Variants in CSMD1 observed in about 807,000 individuals in gnomAD.
The protein encoded by CSMD1 is CUB and Sushi multiple domains 1.
A neutral mutation model predicts 417.5 loss-of-function variants in CSMD1; 213 were observed. The observed-to-expected ratio is 0.51, with a 90% confidence interval of 0.46 to 0.57. CSMD1 has a LOEUF of 0.57. CSMD1 is among the 20% of genes least tolerant of loss of function. CSMD1 has a pLI of 0.00. For synonymous variants in CSMD1, 2,862 were observed against 1,736.8 expected (o/e 1.65, Z -16.11); for missense variants, 6,923 against 4,529.7 (o/e 1.53, Z -15.17).
At chr8:4,927,088 A>ATTG (rs71209139) in intron 1 of CSMD1, among the ~76,000 whole-genome samples, 1 of 10,042 alleles carries the variant, frequency 1.0e-4, no homozygotes, top group South Asian at 5.3e-3. Context: ...CTTTCAATGC[A>ATTG]TTATTATTAT....
At chr8:3,420,755 A>G (rs987449053) in intron 12 of CSMD1, among the ~76,000 whole-genome samples, 3 of 152,200 alleles carry the variant, frequency 2.0e-5, no homozygotes, top group African/African-American at 7.2e-5. Flanking sequence ...GTTATGGAAT[A>G]CTAAGACTTT....
chr8:4,715,563 C>G (rs1203203613), intron 1 of CSMD1, among the ~76,000 whole-genome samples: 2 of 152,142 alleles, frequency 1.3e-5, no homozygotes, highest in Non-Finnish European at 2.9e-5. Context: ...ACGGTCCACC[C>G]TGAACTTCTC....
At chr8:4,032,506 G>C (rs1797401291) in intron 3 of CSMD1, among the ~76,000 whole-genome samples, 2 of 152,156 alleles carry the variant, frequency 1.3e-5, no homozygotes, top group Non-Finnish European at 1.5e-5. Context: ...TACTGCAAGA[G>C]TGAATACTCA....
At chr8:4,928,989 T>A (rs1371783224) in intron 1 of CSMD1, among the ~76,000 whole-genome samples, 1 of 152,126 alleles carries the variant, frequency 6.6e-6, no homozygotes, top group Non-Finnish European at 1.5e-5. Flanking sequence ...AAGAGTCACT[T>A]GAACCCGGGC....
chr8:4,144,487 C>G (rs1803989013), intron 3 of CSMD1, among the ~76,000 whole-genome samples: 1 of 151,100 alleles, frequency 6.6e-6, no homozygotes, highest in Non-Finnish European at 1.5e-5. Flanking sequence ...AAATGGATAT[C>G]CGCTTGAGGG....
chr8:3,385,193 A>G (rs1269076438), intron 18 of CSMD1, among the ~76,000 whole-genome samples: 4 of 144,548 alleles, frequency 2.8e-5, no homozygotes, highest in Admixed American at 7.2e-5. Flanking sequence ...GTCTAAATAT[A>G]TAAATAGAAA....
chr8:3,488,548 T>A (rs765425257), intron 11 of CSMD1, among the ~76,000 whole-genome samples: 9 of 152,212 alleles, frequency 5.9e-5, no homozygotes, highest in Non-Finnish European at 8.8e-5. Context: ...ATAATGTAGA[T>A]TCATACTGCT....
rs151052936 is a variant in CSMD1 at position 4,256,949 on chromosome 8, G to A, written c.415+163004C>T. Among the ~76,000 whole-genome samples the A allele has an allele frequency of 3.2e-3, 494 of 152,298 alleles. 1 individual carries two copies. Among genetic ancestry groups the A allele is most frequent in the African/African-American group, 0.011 (467 of 41,566 alleles). The stretch of plus-strand genomic sequence containing the variant: ...TTCCGCTTTCCCTCCGTGGGCTGCT[G>A]ACCTCTAATCACAGGCTGGAGGTAT... On this transcript the variant is annotated intron_variant, in intron 3 of 69. Transcript: ENST00000635120.
At chr8:4,306,527 C>G (rs1025478636) in intron 3 of CSMD1, among the ~76,000 whole-genome samples, 1 of 152,194 alleles carries the variant, frequency 6.6e-6, no homozygotes, top group East Asian at 1.9e-4. Context: ...CACTGCTCAT[C>G]TTGAAGACAA....
intron 3 of CSMD1, among the ~76,000 whole-genome samples, chr8:4,340,983 T>C (rs969133195): frequency 1.3e-5 from 2 of 152,098 alleles, no homozygotes; most frequent in East Asian, 1.9e-4. Flanking sequence ...CTGATGGATT[T>C]AAAAATTATC....
At chr8:4,882,234 C>T (rs1206859477) in intron 1 of CSMD1, among the ~76,000 whole-genome samples, 1 of 151,880 alleles carries the variant, frequency 6.6e-6, no homozygotes, top group African/African-American at 2.4e-5. Context: ...GACCAGCATC[C>T]TCTACGTGCC....
rs117602892 is a variant in CSMD1 at position 3,554,071 on chromosome 8, T to C, written c.1344+20874A>G. Among the ~76,000 whole-genome samples the C allele has an allele frequency of 9.0e-3, 1,365 of 152,344 alleles. 13 individuals are homozygous for C. Among genetic ancestry groups the C allele is most frequent in the Non-Finnish European group, 0.015 (1,023 of 68,030 alleles). On this transcript the variant is annotated intron_variant, in intron 10 of 69. Coordinates refer to ENST00000635120, the MANE Select transcript of CSMD1 (RefSeq NM_033225.6). The stretch of plus-strand genomic sequence containing the variant: ...AAAGATGGGATGTGGATGTGTGTGC[T>C]CGTAGCTTATATTATGCGTTCTTCA...
intron 3 of CSMD1, among the ~76,000 whole-genome samples, chr8:4,237,973 C>G (rs1802166895): frequency 6.6e-6 from 1 of 152,168 alleles, no homozygotes; most frequent in African/African-American, 2.4e-5. Context: ...TGGGTTGGCT[C>G]AGGGTGACAG....
chr8:4,761,017 G>C (rs1418379377), intron 1 of CSMD1, among the ~76,000 whole-genome samples: 3 of 151,950 alleles, frequency 2.0e-5, no homozygotes, highest in South Asian at 2.1e-4. Context: ...GTAGCAGTTT[G>C]GTGTCAGAAT....
intron 1 of CSMD1, among the ~76,000 whole-genome samples, chr8:4,746,597 T>C (rs1260889243): frequency 1.3e-5 from 2 of 152,190 alleles, no homozygotes; most frequent in Admixed American, 6.5e-5. Flanking sequence ...CTAGCGAGCA[T>C]GCATTTTGTC....
chr8:4,933,295 A>C (rs559541815), intron 1 of CSMD1, among the ~76,000 whole-genome samples: 1 of 152,330 alleles, frequency 6.6e-6, no homozygotes, highest in Admixed American at 6.5e-5. Flanking sequence ...TCAGAGGAGC[A>C]CAACCTGTCC....
At chr8:3,999,029 T>C (rs992136868) in intron 4 of CSMD1, among the ~76,000 whole-genome samples, 1 of 149,570 alleles carries the variant, frequency 6.7e-6, no homozygotes, top group South Asian at 2.1e-4. Flanking sequence ...TATATGATAC[T>C]TTATATACTA....
intron 7 of CSMD1, among the ~76,000 whole-genome samples, chr8:3,648,788 T>A (rs1797702467): frequency 6.6e-6 from 1 of 151,916 alleles, no homozygotes; most frequent in African/African-American, 2.4e-5. Flanking sequence ...ATTTAAAACC[T>A]ATCTTTACGC....
chr8:4,691,294 T>G (rs549795160), intron 1 of CSMD1, among the ~76,000 whole-genome samples: 1 of 152,192 alleles, frequency 6.6e-6, no homozygotes, highest in Non-Finnish European at 1.5e-5. Flanking sequence ...ATTTCAGCTG[T>G]AAGCCTTAGT....
Sources: gnomAD v4.1 joint callset for allele counts (sites outside exome capture counted in the v4.1 genomes callset) on GRCh38, gnomAD v4.1.1 for gene constraint, MANE v1.5 for transcripts, NCBI Gene and HGNC (gene_info 2026-07-23, HGNC 2026-07-21) for gene names.